The following TFPI variants were observed in gnomAD, a reference collection of about 807,000 sequenced individuals.
TFPI encodes the protein tissue factor pathway inhibitor, also known as anti-convertin.
TFPI carries 15 observed loss-of-function variants against 34.6 expected under a neutral mutation model. That is an observed-to-expected ratio of 0.43 (90% CI 0.29 to 0.67). The LOEUF (loss-of-function observed/expected upper bound fraction) is 0.67. Ranked by LOEUF, TFPI falls within the 30% of genes least tolerant of loss-of-function variation. TFPI has a pLI of 0.15. For synonymous variants in TFPI, 105 were observed against 120.1 expected (o/e 0.87, Z 0.82); for missense variants, 301 against 364.0 (o/e 0.83, Z 1.41).
At chr2:187,509,147 G>A (rs891168387) in intron 1 of TFPI, among the ~76,000 whole-genome samples, 3 of 152,190 alleles carry the variant, frequency 2.0e-5, no homozygotes, top group East Asian at 1.9e-4. Context: ...GGATGAAGCC[G>A]ACTTGATCGT....
rs989789241 is a variant in TFPI, at chr2:187,466,462, A to G, written c.*474T>C. On this transcript the variant is annotated 3_prime_UTR_variant, in exon 8 of 8. Transcript: ENST00000233156. ...TTCTATTATTACAATAGAATACTAT[A>G]AATACAAAATTGGATAAACTTTATC... 3 of 153,414 alleles carry G rather than the reference A, an allele frequency of 2.0e-5. No homozygotes were observed. The highest frequency in any genetic ancestry group is 7.2e-5 in the African/African-American group (3 of 41,450). 9.5% of individuals were successfully genotyped at this position (153,414 alleles called of 1,614,324 possible). A position where few individuals can be genotyped will look rare whatever the true frequency, so the allele number is the denominator to read the frequency against.
chr2:187,536,115 C>T (rs1043749992), intron 1 of TFPI, among the ~76,000 whole-genome samples: 21 of 152,108 alleles, frequency 1.4e-4, no homozygotes, highest in African/African-American at 4.8e-4. Flanking sequence ...AAAAAAAGCC[C>T]AGGACCAAAG....
intron 6 of TFPI, among the ~76,000 whole-genome samples, chr2:187,479,643 C>T (rs1692690370): frequency 6.9e-6 from 1 of 144,548 alleles, no homozygotes; most frequent in African/African-American, 2.5e-5. Context: ...TGTAGAGTCA[C>T]CAAAACGACA....
At chr2:187,550,301 G>C (rs553148750) in intron 1 of TFPI, among the ~76,000 whole-genome samples, 28 of 152,160 alleles carry the variant, frequency 1.8e-4, no homozygotes, top group Non-Finnish European at 2.9e-4. Flanking sequence ...AATATTTTTT[G>C]TTCCCAAGTT....
intron 2 of TFPI, among the ~76,000 whole-genome samples, chr2:187,500,170 A>C (rs2106103641): frequency 6.6e-6 from 1 of 152,180 alleles, no homozygotes; most frequent in Non-Finnish European, 1.5e-5. Context: ...AAGCTGATAA[A>C]CTCGCTGTAG....
intron 2 of TFPI, among the ~76,000 whole-genome samples, chr2:187,502,911 C>CT (rs1342549740): frequency 6.6e-6 from 1 of 152,092 alleles, no homozygotes; most frequent in Non-Finnish European, 1.5e-5. Context: ...TTATGGAAAT[C>CT]TTTTTTACAT....
At chr2:187,514,715 T>G (rs769286106) in intron 1 of TFPI, 1 of 152,220 alleles carries the variant, frequency 6.6e-6, no homozygotes, top group East Asian at 1.9e-4. Flanking sequence ...CCTTTCACCC[T>G]GGCATTTCAT....
intron 1 of TFPI, among the ~76,000 whole-genome samples, chr2:187,524,058 C>T (rs1401246477): frequency 6.6e-6 from 1 of 152,000 alleles, no homozygotes; most frequent in Non-Finnish European, 1.5e-5. Context: ...TTTTCAGGCT[C>T]CATTCATGCT....
chr2:187,492,670 A>G (rs1373809258), intron 3 of TFPI, among the ~76,000 whole-genome samples: 4 of 152,086 alleles, frequency 2.6e-5, no homozygotes, highest in Admixed American at 1.3e-4. Flanking sequence ...GAGCTTTAGG[A>G]TTTGACTGCC....
intron 1 of TFPI, among the ~76,000 whole-genome samples, chr2:187,523,998 TA>T (rs1687552368): frequency 1.3e-5 from 2 of 152,228 alleles, no homozygotes; most frequent in African/African-American, 2.4e-5. Context: ...TTAAATGGAA[TA>T]ATATAATATC....
chr2:187,482,274 T>C (rs1020469770), intron 6 of TFPI, among the ~76,000 whole-genome samples: 8 of 152,084 alleles, frequency 5.3e-5, no homozygotes, highest in African/African-American at 1.7e-4. Flanking sequence ...CACATGTATA[T>C]TTAAACCTGT....
At chr2:187,469,215 G>C (rs1389820747) in intron 6 of TFPI, among the ~76,000 whole-genome samples, 2 of 152,040 alleles carry the variant, frequency 1.3e-5, no homozygotes, top group Non-Finnish European at 2.9e-5. Flanking sequence ...AAATATGAGA[G>C]GGAATGAATA....
rs1030258400 is a variant in TFPI at position 187,500,144 on chromosome 2, T to C, written c.122-3066A>G. ...TAATTTTGCCAGCAGGTGGTGGCAGTGCACCACAAAGGCAAAAGCTGATAA... is the reference window on the plus strand; with the variant it reads ...TAATTTTGCCAGCAGGTGGTGGCAGCGCACCACAAAGGCAAAAGCTGATAA... On this transcript the variant is annotated intron_variant, in intron 2 of 7. Transcript: ENST00000233156. Among the ~76,000 whole-genome samples the C allele has an allele frequency of 3.9e-5, 6 of 152,272 alleles. No homozygotes were observed. In the South Asian group the frequency reaches 1.0e-3, roughly 26 times the overall value.
chr2:187,507,268 AT>A (rs1011544098), intron 1 of TFPI, among the ~76,000 whole-genome samples: 3 of 152,302 alleles, frequency 2.0e-5, no homozygotes, highest in South Asian at 4.1e-4. Context: ...ATAGTATTCC[AT>A]GGTGTATATG....
chr2:187,538,233 G>C (rs559009668), intron 1 of TFPI, among the ~76,000 whole-genome samples: 1 of 152,264 alleles, frequency 6.6e-6, no homozygotes, highest in South Asian at 2.1e-4. Context: ...TCCTATTACT[G>C]GGTATACACC....
At chr2:187,521,596 T>A (rs1331830881) in intron 1 of TFPI, among the ~76,000 whole-genome samples, 1 of 151,894 alleles carries the variant, frequency 6.6e-6, no homozygotes, top group Non-Finnish European at 1.5e-5. Flanking sequence ...TGAGACAGAG[T>A]CTCACTCTGT....
At chr2:187,468,802 C>A (rs3771060) in intron 6 of TFPI, among the ~76,000 whole-genome samples, 6,372 of 152,050 alleles carry the variant, frequency 0.042, 213 homozygotes, top group African/African-American at 0.089. Context: ...GGTAGCACAG[C>A]TAAACTGCTT....
chr2:187,475,526 A>G (rs1158319201), intron 6 of TFPI, among the ~76,000 whole-genome samples: 1 of 152,148 alleles, frequency 6.6e-6, no homozygotes, highest in Non-Finnish European at 1.5e-5. Context: ...TCAAAAATTA[A>G]TACTTTGTGC....
At chr2:187,482,168 A>C (rs1335660742) in intron 6 of TFPI, among the ~76,000 whole-genome samples, 2 of 152,096 alleles carry the variant, frequency 1.3e-5, no homozygotes, top group African/African-American at 4.8e-5. Flanking sequence ...ATGACTGCAG[A>C]TCTCCACTTG....
Sources: allele counts gnomAD v4.1 joint callset (sites outside exome capture counted in the v4.1 genomes callset), GRCh38; gene constraint gnomAD v4.1.1; transcripts MANE v1.5; gene names NCBI Gene and HGNC (gene_info 2026-07-23, HGNC 2026-07-21).